RBFOX2: variants seen among roughly 807,000 people sequenced by gnomAD.
RBFOX2 encodes RNA binding fox-1 homolog 2, also known as RNA binding protein fox-1 homolog 2.
RBFOX2 carries 10 observed loss-of-function variants against 49.1 expected under a neutral mutation model. The observed-to-expected ratio is 0.20, with a 90% CI of 0.13 to 0.35. The LOEUF (loss-of-function observed/expected upper bound fraction) is 0.35, where lower values mean the gene tolerates loss of function less well. RBFOX2 is among the 10% of genes least tolerant of loss of function. The probability of loss-of-function intolerance (pLI) is 1.00; values close to 1 mark genes in which losing one functional copy is unlikely to be tolerated. For synonymous variants in RBFOX2, 183 were observed against 187.4 expected (o/e 0.98, Z 0.19); for missense variants, 323 against 486.9 (o/e 0.66, Z 3.17).
chr22:35,849,298 AACACACACACACACACACACACAC>A (rs61515031), intron 1 of RBFOX2, among the ~76,000 whole-genome samples: 1 of 133,238 alleles, frequency 7.5e-6, no homozygotes. Context: ...TACACACACA[AACACACACACACACACACACACAC>A]ACACACACAC....
chr22:35,810,705 T>C (rs112309494), intron 1 of RBFOX2, among the ~76,000 whole-genome samples: 161 of 152,316 alleles, frequency 1.1e-3, no homozygotes, highest in Middle Eastern at 3.4e-3. Flanking sequence ...GCAGTTTTAT[T>C]ATGATATAAC....
intron 1 of RBFOX2, among the ~76,000 whole-genome samples, chr22:35,918,349 A>G (rs1162192743): frequency 6.6e-6 from 1 of 152,184 alleles, no homozygotes; most frequent in Non-Finnish European, 1.5e-5. Flanking sequence ...AATCAACAGA[A>G]CAACAGTAAA....
intron 1 of RBFOX2, chr22:35,898,280 G>C (rs992502503): frequency 2.7e-6 from 2 of 749,822 alleles, no homozygotes; most frequent in Non-Finnish European, 5.0e-6. Flanking sequence ...TTTCCCATGA[G>C]GTATGAGGGC....
chr22:36,018,718 A>G (rs1234918473), intron 1 of RBFOX2, among the ~76,000 whole-genome samples: 1 of 152,176 alleles, frequency 6.6e-6, no homozygotes. Flanking sequence ...GGTTCAAACA[A>G]TTCTCCTGCC....
At chr22:35,927,106 G>T (rs2051737849) in intron 1 of RBFOX2, among the ~76,000 whole-genome samples, 1 of 152,112 alleles carries the variant, frequency 6.6e-6, no homozygotes, top group African/African-American at 2.4e-5. Context: ...AAACTTTATG[G>T]AAATGTTCAT....
intron 1 of RBFOX2, among the ~76,000 whole-genome samples, chr22:35,986,830 T>C (rs910122424): frequency 6.6e-6 from 1 of 152,156 alleles, no homozygotes; most frequent in African/African-American, 2.4e-5. Context: ...ATCAACTGCT[T>C]CACCTAAGTT....
chr22:35,840,402 T>C, exon 1 of RBFOX2: 1 of 1,496,158 alleles, frequency 6.7e-7, no homozygotes, highest in Non-Finnish European at 8.8e-7. Flanking sequence ...TCTTCCTCTC[T>C]GGCAGTCTCT....
chr22:35,996,617 A>C (rs895820889), intron 1 of RBFOX2: 1 of 152,010 alleles, frequency 6.6e-6, no homozygotes, highest in African/African-American at 2.4e-5. Flanking sequence ...TCTCAAAAAA[A>C]AAAAAAAGAA....
intron 1 of RBFOX2, among the ~76,000 whole-genome samples, chr22:35,909,063 C>T (rs192511803): frequency 3.3e-5 from 5 of 152,262 alleles, no homozygotes; most frequent in South Asian, 2.1e-4. Context: ...AGGATGGTCT[C>T]GATCTCCTGA....
chr22:35,887,112 T>C (rs1012812389), intron 1 of RBFOX2, among the ~76,000 whole-genome samples: 2 of 152,220 alleles, frequency 1.3e-5, no homozygotes, highest in Non-Finnish European at 2.9e-5. Context: ...CAAAATTCCA[T>C]ATTCTGATTT....
At chr22:35,891,101 T>C (rs1008465124) in intron 1 of RBFOX2, among the ~76,000 whole-genome samples, 3 of 152,176 alleles carry the variant, frequency 2.0e-5, no homozygotes, top group Non-Finnish European at 2.9e-5. Context: ...AAAATCATTA[T>C]TACCTGTGCA....
chr22:35,795,133 C>T (rs1426565110), intron 2 of RBFOX2, among the ~76,000 whole-genome samples: 1 of 152,122 alleles, frequency 6.6e-6, no homozygotes, highest in East Asian at 1.9e-4. Context: ...CCAAACTACT[C>T]ATAGACATCA....
At chr22:35,899,576 A>AAG (rs1556359405) in intron 1 of RBFOX2, among the ~76,000 whole-genome samples, 10 of 151,886 alleles carry the variant, frequency 6.6e-5, no homozygotes, top group African/African-American at 2.4e-4. Context: ...CAAAAAAAAA[A>AAG]AAAGAAAGAA....
upstream of RBFOX2, among the ~76,000 whole-genome samples, chr22:35,963,935 G>A (rs1301140002): frequency 6.6e-6 from 1 of 152,110 alleles, no homozygotes; most frequent in Non-Finnish European, 1.5e-5. Context: ...TAGTACAGAT[G>A]GGGTTACACC....
chr22:35,997,219 G>A (rs750886895), intron 1 of RBFOX2: 6 of 152,170 alleles, frequency 3.9e-5, no homozygotes, highest in Non-Finnish European at 5.9e-5. Context: ...ATTCCTCAGT[G>A]GTCAGTCTTG....
chr22:35,749,783 C>T lies in RBFOX2; in HGVS notation c.888-3222G>A, dbSNP rs1934222531. On this transcript the variant is annotated intron_variant, in intron 9 of 11. Transcript: ENST00000405409. This position sits in a 1 kb window ranked among gnomAD's most constrained non-coding sequence, Gnocchi z 4.1. ...TGTTTCTTAAGTTTTTCAAAAAGAA[C>T]AAGGGTGGGAAGGAGGTAGAAGAGA... Among the ~76,000 whole-genome samples, 1 of 152,004 alleles carries T rather than the reference C, an allele frequency of 6.6e-6. No individual in the cohort carries two copies. Among genetic ancestry groups the T allele is most frequent in the African/African-American group, 2.4e-5 (1 of 41,372 alleles).
At position 35,864,999 on chromosome 22, in the gene RBFOX2, T is replaced by C. The variant is rs993365886; in HGVS notation, c.-33-54995A>G. ...CTTAGGTTTAAGAATACAGAACTGA[T>C]GTCATCCTTGCAATACTAATGCTAC... On this transcript the variant is annotated intron_variant, in intron 1 of 13. Transcript: ENST00000359369. Among the ~76,000 whole-genome samples, 15 of 152,356 alleles carry C rather than the reference T, an allele frequency of 9.8e-5. No individual in the cohort carries two copies. The Middle Eastern group carries it at 0.01, about 104-fold the overall frequency.
At chr22:35,814,230 G>GC in intron 1 of RBFOX2, among the ~76,000 whole-genome samples, 1 of 152,048 alleles carries the variant, frequency 6.6e-6, no homozygotes, top group Non-Finnish European at 1.5e-5. Flanking sequence ...GAACCTCCCA[G>GC]CCCCCGCCCA....
chr22:35,983,393 T>C (rs546468716), intron 1 of RBFOX2, among the ~76,000 whole-genome samples: 11 of 152,314 alleles, frequency 7.2e-5, no homozygotes, highest in African/African-American at 2.6e-4. Flanking sequence ...GAAAGGGATA[T>C]AGTAAGTTTC....
Sources: allele counts gnomAD v4.1 joint callset (sites outside exome capture counted in the v4.1 genomes callset), GRCh38; gene constraint gnomAD v4.1.1; non-coding constraint Gnocchi (gnomAD v3.1); transcripts MANE v1.5; gene names NCBI Gene and HGNC (gene_info 2026-07-23, HGNC 2026-07-21).